C12orf42: variants seen among roughly 807,000 people sequenced by gnomAD.
C12orf42 encodes uncharacterized protein C12orf42.
A neutral mutation model predicts 21.6 loss-of-function variants in C12orf42; 25 were observed. The ratio of observed to expected loss-of-function variants is 1.16; its 90% confidence interval spans 0.84 to 1.62. C12orf42 has a LOEUF of 1.62. Ranked by LOEUF, C12orf42 falls within the 40% of genes most tolerant of loss-of-function variation. The probability of loss-of-function intolerance (pLI) is 0.00; values close to 1 mark genes in which losing one functional copy is unlikely to be tolerated. For synonymous variants in C12orf42, 174 were observed against 175.0 expected, an observed-to-expected ratio of 0.99 and a Z score of 0.05; for missense variants, 483 against 459.3, an observed-to-expected ratio of 1.05 and a Z score of -0.47.
At chr12:103,058,340 A>G in the C12orf42 span, among the ~76,000 whole-genome samples, 1 of 152,000 alleles carries the variant, frequency 6.6e-6, no homozygotes, top group African/African-American at 2.4e-5. Flanking sequence ...TTTCTTGTAA[A>G]TTTGTTTAAA....
At chr12:103,370,531 G>A (rs1054182213) in intron 3 of C12orf42, among the ~76,000 whole-genome samples, 9 of 151,998 alleles carry the variant, frequency 5.9e-5, no homozygotes, top group South Asian at 2.1e-4. Context: ...CATATACACC[G>A]TGGAATACTA....
the C12orf42 span, among the ~76,000 whole-genome samples, chr12:103,213,173 T>C: frequency 6.6e-6 from 1 of 152,204 alleles, no homozygotes; most frequent in Non-Finnish European, 1.5e-5. Context: ...AGGCTTATGA[T>C]GTGCCAGGTA....
At chr12:103,412,475 C>T (rs958645796) in intron 2 of C12orf42, among the ~76,000 whole-genome samples, 2 of 152,156 alleles carry the variant, frequency 1.3e-5, no homozygotes, top group African/African-American at 4.8e-5. Flanking sequence ...TCGAGACTGG[C>T]CTGGCCAACA....
chr12:103,464,690 T>C (rs1952983694), intron 2 of C12orf42, among the ~76,000 whole-genome samples: 1 of 152,252 alleles, frequency 6.6e-6, no homozygotes, highest in Non-Finnish European at 1.5e-5. Flanking sequence ...AGGGTTTTTA[T>C]AGTTTTGGGT....
chr12:103,164,431 T>G, the C12orf42 span: 1 of 455,922 alleles, frequency 2.2e-6, no homozygotes, highest in Non-Finnish European at 4.4e-6. Flanking sequence ...TGCCTGATAT[T>G]TTCATGGTAA....
the C12orf42 span, among the ~76,000 whole-genome samples, chr12:103,104,479 T>C: frequency 6.6e-6 from 1 of 152,174 alleles, no homozygotes; most frequent in Non-Finnish European, 1.5e-5. Context: ...TCTCACTCTG[T>C]TGCCAGGCTG....
At chr12:103,061,492 AT>A in the C12orf42 span, among the ~76,000 whole-genome samples, 4 of 149,542 alleles carry the variant, frequency 2.7e-5, no homozygotes, top group East Asian at 7.9e-4. Flanking sequence ...TCCCATCATG[AT>A]TTTTTTTTCT....
At chr12:103,167,962 T>C in the C12orf42 span, 1 of 435,684 alleles carries the variant, frequency 2.3e-6, no homozygotes, top group Non-Finnish European at 4.6e-6. Context: ...GAAAGAACAG[T>C]CTCTAACAAC....
the C12orf42 span, among the ~76,000 whole-genome samples, chr12:103,217,530 CAA>C: frequency 3.4e-3 from 261 of 77,892 alleles, 1 homozygote; most frequent in African/African-American, 7.6e-3. Flanking sequence ...GACCCTGTCT[CAA>C]AAAAAAAAAA....
the C12orf42 span, among the ~76,000 whole-genome samples, chr12:103,532,535 T>C: frequency 2.0e-5 from 3 of 152,060 alleles, no homozygotes; most frequent in Non-Finnish European, 4.4e-5. Flanking sequence ...TTGTGCCATC[T>C]GGAAAAAAAA....
chr12:103,104,531 C>T, the C12orf42 span, among the ~76,000 whole-genome samples: 1 of 152,196 alleles, frequency 6.6e-6, no homozygotes, highest in Non-Finnish European at 1.5e-5. Context: ...TCCTTCACCT[C>T]CTGGGTTCAA....
At chr12:103,187,557 CT>C in the C12orf42 span, among the ~76,000 whole-genome samples, 1 of 152,090 alleles carries the variant, frequency 6.6e-6, no homozygotes, top group African/African-American at 2.4e-5. Flanking sequence ...AAAACATATA[CT>C]TTTGTTTTGC....
chr12:103,414,560 G>A lies in C12orf42; in HGVS notation c.79-12885C>T, dbSNP rs111439398. ...TTCCTCATTTATTTGTGTTGCATCC[G>A]ATGTTTTTAAGCAGTGTCTTACAGT... On this transcript the variant is annotated intron_variant, in intron 2 of 5. Transcript: ENST00000548883. Among the ~76,000 whole-genome samples, 1,278 of 152,086 alleles carry A rather than the reference G, an allele frequency of 8.4e-3. 19 individuals carry two copies. The highest frequency in any genetic ancestry group is 0.029 in the African/African-American group (1,201 of 41,490).
chr12:103,363,309 G>T (rs1566157010), intron 4 of C12orf42, among the ~76,000 whole-genome samples: 1 of 152,046 alleles, frequency 6.6e-6, no homozygotes, highest in African/African-American at 2.4e-5. Context: ...GAAGTAATTT[G>T]CCACTAACAA....
the C12orf42 span, among the ~76,000 whole-genome samples, chr12:103,231,345 C>A: frequency 2.6e-5 from 4 of 152,268 alleles, 1 homozygote; most frequent in Admixed American, 2.6e-4. Flanking sequence ...TTAGGGTTCA[C>A]CCTCGGTGCT....
chr12:103,388,484 C>G (rs1468527315), intron 3 of C12orf42, among the ~76,000 whole-genome samples: 2 of 152,090 alleles, frequency 1.3e-5, no homozygotes, highest in Non-Finnish European at 1.5e-5. Context: ...TCCCTCTTCC[C>G]CAACCTCTTC....
intron 4 of C12orf42, among the ~76,000 whole-genome samples, chr12:103,327,240 T>C (rs2040798187): frequency 6.6e-6 from 1 of 152,114 alleles, no homozygotes; most frequent in East Asian, 1.9e-4. Context: ...TGAACGAGAG[T>C]ACAGCTTTTG....
chr12:103,367,475 A>G (rs771712739), intron 4 of C12orf42, among the ~76,000 whole-genome samples: 6 of 151,896 alleles, frequency 4.0e-5, no homozygotes, highest in Non-Finnish European at 8.8e-5. Context: ...AGAAAGAAAA[A>G]AAAAGAAAAA....
At chr12:103,543,880 G>GT in the C12orf42 span, among the ~76,000 whole-genome samples, 459 of 101,562 alleles carry the variant, frequency 4.5e-3, 2 homozygotes, top group African/African-American at 5.5e-3. Context: ...TGGTTTTTGG[G>GT]TTTTTTTTTT....
Sources: allele counts gnomAD v4.1 joint callset (sites outside exome capture counted in the v4.1 genomes callset), GRCh38; gene constraint gnomAD v4.1.1; transcripts MANE v1.5; gene names NCBI Gene and HGNC (gene_info 2026-07-23, HGNC 2026-07-21).